UFSP2: variants seen among roughly 807,000 people sequenced by gnomAD.
UFSP2 encodes ufm1-specific protease 2.
UFSP2 carries 43 observed loss-of-function variants against 60.2 expected under a neutral mutation model. The ratio of observed to expected loss-of-function variants is 0.71; its 90% CI spans 0.56 to 0.92. The LOEUF (loss-of-function observed/expected upper bound fraction) is 0.92. UFSP2 is among the 40% of genes least tolerant of loss of function. The probability of loss-of-function intolerance (pLI) is 0.00; values close to 1 mark genes in which losing one functional copy is unlikely to be tolerated. For synonymous variants in UFSP2, 183 were observed against 195.1 expected (o/e 0.94, Z 0.52); for missense variants, 520 against 575.0 (o/e 0.90, Z 0.98).
rs758469637 is a variant in UFSP2 at position 185,418,504 on chromosome 4, A to G, written c.270T>C (p.Phe90=). ...TTCTTTTTATATCTTCTTCTGGCTC[A>G]AATCTAAATTTTTAATACACAGACA... is the stretch of plus-strand genomic sequence containing the variant. ...ACKNILRFIQ[F]EPEEDIKRKF... is the part of the protein sequence containing the mutation. The change falls in exon 4 of 12, where the codon TTT becomes TTC. Residue 90 remains phenylalanine (F), a synonymous_variant. Coordinates refer to ENST00000264689, the MANE Select transcript of UFSP2 (RefSeq NM_018359.5). 4.7e-5 allele frequency: 76 copies of G among 1,611,474 alleles called. No individual in the cohort carries two copies. Among genetic ancestry groups the G allele is most frequent in the Non-Finnish European group, 6.3e-5 (74 of 1,179,070 alleles).
intron 9 of UFSP2, among the ~76,000 whole-genome samples, chr4:185,406,454 T>G (rs575303505): frequency 2.6e-5 from 4 of 152,308 alleles, no homozygotes; most frequent in South Asian, 4.1e-4. Flanking sequence ...AGGTATTTTT[T>G]GGGGGAAGGT....
chr4:185,419,045 T>G (rs1362848430), intron 2 of UFSP2, among the ~76,000 whole-genome samples: 1 of 152,114 alleles, frequency 6.6e-6, no homozygotes, highest in African/African-American at 2.4e-5. Context: ...TTTTCATCAC[T>G]CCAAAAAGAA....
chr4:185,425,886 G>C lies in UFSP2; in HGVS notation c.-18C>G. Reference sequence around the variant, plus strand: ...CTCACCATGTCCGCGACGTGGCGGTGACACGGGCGCTGACGCCTGCCCAAA... The same window carrying C: ...CTCACCATGTCCGCGACGTGGCGGTCACACGGGCGCTGACGCCTGCCCAAA... On this transcript the variant is annotated 5_prime_UTR_variant, in exon 1 of 12. Coordinates refer to ENST00000264689, the MANE Select transcript of UFSP2 (RefSeq NM_018359.5). The C allele has an allele frequency of 6.3e-7, 1 of 1,599,588 alleles. No homozygotes were observed. The highest frequency in any genetic ancestry group is 8.5e-7 in the Non-Finnish European group (1 of 1,173,216).
In UFSP2 at chr4:185,408,048, C is replaced by A; in HGVS notation, c.1009G>T (p.Ala337Ser). The A allele has an allele frequency of 6.2e-7, 1 of 1,613,930 alleles. No homozygotes were observed. The highest frequency in any genetic ancestry group is 8.5e-7 in the Non-Finnish European group (1 of 1,179,826). Residue 337 changes from alanine to serine, a missense_variant, in exon 9 of 12, where the codon GCC (alanine) becomes TCC (serine). By Grantham distance (99) the Ala-to-Ser change is moderately conservative. Coordinates refer to ENST00000264689, the MANE Select transcript of UFSP2 (RefSeq NM_018359.5). ...ACAAATGTTGCTGGTTTGTCCCCGG[C>A]ATCGACTAGAGCCTTGATGTATTTA... ...HREIQQALVD[A>S]GDKPATFVGS... is the part of the protein sequence containing the mutation.
chr4:185,413,141 C>A (rs2095532435), intron 7 of UFSP2, among the ~76,000 whole-genome samples: 2 of 152,098 alleles, frequency 1.3e-5, no homozygotes, highest in African/African-American at 4.8e-5. Flanking sequence ...CCTGTCTCTA[C>A]TAAAAATACA....
chr4:185,412,202 T>C (rs570691662), intron 7 of UFSP2, among the ~76,000 whole-genome samples: 1 of 152,338 alleles, frequency 6.6e-6, no homozygotes, highest in South Asian at 2.1e-4. Context: ...TCTTACGACC[T>C]TGTAATACAG....
At chr4:185,424,998 C>G (rs2028700) in intron 1 of UFSP2, among the ~76,000 whole-genome samples, 137,200 of 152,292 alleles carry the variant, frequency 0.9, 61,920 homozygotes, top group East Asian at 0.99. Flanking sequence ...CCAGGCAGGG[C>G]CATCGATGAG....
chr4:185,413,677 A>G (rs2095533433), intron 7 of UFSP2, 49 bp downstream of exon 7: 6 of 1,546,830 alleles, frequency 3.9e-6, no homozygotes, highest in Middle Eastern at 1.7e-4. Context: ...AAAAACAACT[A>G]ATAACATTAC....
chr4:185,405,744 C>T lies in UFSP2; in HGVS notation c.1198+36G>A, dbSNP rs774173306. ...TATCAATGATAAGTTTTGCATATTACTCACTCTACCAAAAACAGTGTCTGA... is the reference window on the plus strand; with the variant it reads ...TATCAATGATAAGTTTTGCATATTATTCACTCTACCAAAAACAGTGTCTGA... On this transcript the variant is annotated intron_variant, in intron 10 of 11. Coordinates refer to ENST00000264689, the MANE Select transcript of UFSP2 (RefSeq NM_018359.5). 16 of 1,592,864 alleles carry T rather than the reference C, an allele frequency of 1.0e-5. No individual in the cohort carries two copies. In the South Asian group the frequency reaches 1.7e-4, roughly 17 times the overall value.
intron 4 of UFSP2, among the ~76,000 whole-genome samples, chr4:185,417,302 G>A (rs886234811): frequency 6.6e-6 from 1 of 152,164 alleles, no homozygotes; most frequent in African/African-American, 2.4e-5. Flanking sequence ...CCAATTACTG[G>A]TAATTTTCAA....
chr4:185,423,427 G>T (rs2095553005), intron 1 of UFSP2, among the ~76,000 whole-genome samples: 1 of 152,154 alleles, frequency 6.6e-6, no homozygotes, highest in Non-Finnish European at 1.5e-5. Flanking sequence ...ATGGCAGTAA[G>T]AATCAAAGGT....
At chr4:185,410,631 G>A (rs771240984) in intron 7 of UFSP2, among the ~76,000 whole-genome samples, 56 of 150,592 alleles carry the variant, frequency 3.7e-4, no homozygotes, top group Non-Finnish European at 5.5e-4. Flanking sequence ...CTGGGCAACC[G>A]AGCAAGACTC....
At chr4:185,416,421 A>C (rs1326578260) in intron 4 of UFSP2, among the ~76,000 whole-genome samples, 1 of 152,148 alleles carries the variant, frequency 6.6e-6, no homozygotes, top group Non-Finnish European at 1.5e-5. Context: ...CAAATACTGA[A>C]CTCTACTTTG....
chr4:185,408,374 T>G lies in UFSP2; in HGVS notation c.893A>C (p.Asn298Thr). Residue 298 changes from asparagine to threonine, a missense_variant, in exon 8 of 12, where the codon AAT becomes ACT. Physicochemically the swap from Asn to Thr is moderately conservative, Grantham distance 65. Transcript: ENST00000264689. ...AGATCGATAAGCACAGCCCCAGCCA[T>G]TGTCATCTATGCGATCCTGCATATA... The part of the protein sequence containing the change: ...HHYMQDRIDD[N>T]GWGCAYRSLQ... 1 of 1,614,176 alleles carries G rather than the reference T, an allele frequency of 6.2e-7. No individual in the cohort carries two copies. Among genetic ancestry groups the G allele is most frequent in the Non-Finnish European group, 8.5e-7 (1 of 1,180,030 alleles).
At chr4:185,422,615 A>G (rs1205590958) in intron 1 of UFSP2, 52 bp from the exon 2 acceptor site, 2 of 1,202,764 alleles carry the variant, frequency 1.7e-6, no homozygotes, top group Non-Finnish European at 2.4e-6. Flanking sequence ...AAACAAACTC[A>G]TATTCATATA....
chr4:185,425,935 T>A lies in UFSP2; in HGVS notation c.-67A>T. On this transcript the variant is annotated 5_prime_UTR_variant, in exon 1 of 12. Transcript: ENST00000264689. ...AAAGTTCCGGGGGCCGGCCCTGAAG[T>A]GGTGTCACCGCACGGCCCAGGGGCG... The A allele has an allele frequency of 6.4e-7, 1 of 1,557,010 alleles. No homozygotes were observed. The highest frequency in any genetic ancestry group is 8.7e-7 in the Non-Finnish European group (1 of 1,148,906).
intron 1 of UFSP2, among the ~76,000 whole-genome samples, chr4:185,423,185 A>G (rs1352381002): frequency 1.3e-5 from 2 of 152,218 alleles, no homozygotes; most frequent in Non-Finnish European, 2.9e-5. Flanking sequence ...AAAGTATCCT[A>G]TGCCCCCATG....
intron 7 of UFSP2, among the ~76,000 whole-genome samples, 154 bp downstream of exon 7, chr4:185,413,572 G>A (rs931375165): frequency 2.0e-5 from 3 of 152,112 alleles, no homozygotes; most frequent in African/African-American, 7.2e-5. Flanking sequence ...TTTAATTACT[G>A]CTATCTTAAG....
At chr4:185,415,653 T>G in intron 5 of UFSP2, 57 bp downstream of exon 5, 2 of 1,461,140 alleles carry the variant, frequency 1.4e-6, no homozygotes, top group Non-Finnish European at 9.3e-7. Context: ...TATACAAACA[T>G]GGGTTTGGGG....
Sources: gnomAD v4.1 joint callset for allele counts (sites outside exome capture counted in the v4.1 genomes callset) on GRCh38, gnomAD v4.1.1 for gene constraint, MANE v1.5 for transcripts, NCBI Gene and HGNC (gene_info 2026-07-23, HGNC 2026-07-21) for gene names.